The following PCNX1 variants were observed in gnomAD, a reference collection of about 807,000 sequenced individuals.
The protein encoded by PCNX1 is pecanex 1.
In PCNX1, 78 loss-of-function variants were observed where a neutral mutation model predicts 242.2. The observed-to-expected ratio is 0.32, with a 90% CI of 0.27 to 0.39. PCNX1 has a LOEUF of 0.39. PCNX1 is among the 10% of genes least tolerant of loss of function. The pLI, the probability that PCNX1 is intolerant of heterozygous loss-of-function variation, is 1.00. For synonymous variants in PCNX1, 1,024 were observed against 1,032.9 expected (o/e 0.99, Z 0.17); for missense variants, 2,581 against 2,856.5 (o/e 0.90, Z 2.20).
At position 70,995,863 on chromosome 14, in the gene PCNX1, A is replaced by T. The variant is rs780110499; in HGVS notation, c.2567A>T (p.His856Leu). Residue 856 changes from histidine (H) to leucine (L), a missense_variant, in exon 8 of 36, where the codon CAC (histidine) becomes CTC (leucine). Physicochemically the swap from His to Leu is moderately conservative, Grantham distance 99. Coordinates refer to ENST00000304743, the MANE Select transcript of PCNX1 (RefSeq NM_014982.3). ...TTGCTGGTGAGAAATGGGAGTGTCC[A>T]CTTAGAAGCATCACATGACAATGCA... ...ASLLVRNGSV[H>L]LEASHDNASA... 2.5e-6 allele frequency: 4 copies of T among 1,613,932 alleles called. No individual in the cohort carries two copies. The African/African-American group carries it at 4.0e-5, about 16-fold the overall frequency.
chr14:70,943,097 A>G (rs770762137), intron 1 of PCNX1, among the ~76,000 whole-genome samples: 1 of 152,194 alleles, frequency 6.6e-6, no homozygotes, highest in Admixed American at 6.5e-5. Flanking sequence ...TCTTTTCCTT[A>G]TAAATTACCC....
chr14:70,910,040 T>G (rs1594861619), intron 1 of PCNX1, among the ~76,000 whole-genome samples: 1 of 54,528 alleles, frequency 1.8e-5, no homozygotes, highest in East Asian at 5.7e-4. Context: ...TCCCTCCTCC[T>G]CCTCCTCCTC....
chr14:71,107,236 C>T (rs1281491926), intron 33 of PCNX1, among the ~76,000 whole-genome samples: 2 of 151,988 alleles, frequency 1.3e-5, no homozygotes, highest in Non-Finnish European at 2.9e-5. Context: ...AATGTAAAGA[C>T]ATTTATTAAA....
At chr14:70,929,239 T>G (rs77791278) in intron 1 of PCNX1, among the ~76,000 whole-genome samples, 4 of 146,110 alleles carry the variant, frequency 2.7e-5, no homozygotes, top group African/African-American at 8.0e-5. Context: ...ACATTCAGTG[T>G]TTTTTTTTTT....
intron 8 of PCNX1, among the ~76,000 whole-genome samples, chr14:71,002,982 T>G (rs542099057): frequency 2.0e-5 from 3 of 152,266 alleles, no homozygotes; most frequent in Non-Finnish European, 4.4e-5. Flanking sequence ...ATAGTAAGCA[T>G]CTTTTGATGT....
chr14:70,946,793 C>T (rs775935931), intron 1 of PCNX1, 122 bp from the exon 2 acceptor site: 238 of 735,236 alleles, frequency 3.2e-4, no homozygotes, highest in Non-Finnish European at 4.3e-4. Context: ...TGCAGCTTAG[C>T]GCTAGTAACA....
chr14:70,910,049 TC>T (rs2055766442), intron 1 of PCNX1, among the ~76,000 whole-genome samples: 2 of 62,478 alleles, frequency 3.2e-5, no homozygotes, highest in South Asian at 7.8e-4. Flanking sequence ...CTCCTCCTCC[TC>T]CTCCTCCTCC....
intron 24 of PCNX1, among the ~76,000 whole-genome samples, chr14:71,055,169 A>G (rs914650667): frequency 1.3e-5 from 2 of 152,190 alleles, no homozygotes; most frequent in African/African-American, 4.8e-5. Context: ...AGAATGTTCT[A>G]ACCTCTTTGA....
intron 1 of PCNX1, among the ~76,000 whole-genome samples, chr14:70,945,215 C>G (rs1566600179): frequency 6.6e-6 from 1 of 152,124 alleles, no homozygotes; most frequent in African/African-American, 2.4e-5. Context: ...TTTGGAGATT[C>G]CAAGGATTTT....
Position 71,089,226 on chromosome 14 carries a change from CTATT to C in PCNX1, c.5476_5479del (p.Phe1826LysfsTer21). ...GTCATTCCTCTATGGATTGCATGCC[CTATT>C]TAAAGGAGATTTCCGTATTTCTTCA... On this transcript the variant is annotated frameshift_variant, in exon 30 of 36. Transcript: ENST00000304743. LOFTEE classifies it high-confidence loss of function. 1 of 1,610,496 alleles carries C rather than the reference CTATT, an allele frequency of 6.2e-7. No individual in the cohort carries two copies. The highest frequency in any genetic ancestry group is 8.5e-7 in the Non-Finnish European group (1 of 1,177,286).
At position 71,011,544 on chromosome 14, in the gene PCNX1, G is replaced by A. The variant is rs1160561475; in HGVS notation, c.2773G>A (p.Asp925Asn). ...SSTSVRFYPH[D>N]VLSLPQIRLN... Reference sequence around the variant, plus strand: ...TACCTCAGTTCGATTTTATCCACATGATGTGGTAGGTTTTTCTTTATTTTT... The same window carrying A: ...TACCTCAGTTCGATTTTATCCACATAATGTGGTAGGTTTTTCTTTATTTTT... The change falls in exon 10 of 36, where the codon GAT (aspartate) becomes AAT (asparagine). Residue 925 changes from aspartate to asparagine, a missense_variant. By Grantham distance (23) the Asp-to-Asn change is conservative. Around this residue, in one of 9 missense-constraint regions of PCNX1, gnomAD observed 1,204 missense variants for 1,216.7 expected, o/e 0.99. Transcript: ENST00000304743. The A allele has an allele frequency of 1.8e-5, 28 of 1,524,224 alleles. No individual in the cohort carries two copies. Among genetic ancestry groups the A allele is most frequent in the Non-Finnish European group, 2.4e-5 (26 of 1,101,440 alleles). 94.4% of individuals were successfully genotyped at this position (1,524,224 alleles called of 1,614,324 possible).
At chr14:70,961,994 G>A (rs1263857347) in intron 2 of PCNX1, among the ~76,000 whole-genome samples, 1 of 151,248 alleles carries the variant, frequency 6.6e-6, no homozygotes, top group Non-Finnish European at 1.5e-5. Flanking sequence ...TAGACAGTTT[G>A]GAATAAGAGA....
intron 6 of PCNX1, among the ~76,000 whole-genome samples, chr14:70,980,091 A>G (rs1372197360): frequency 6.6e-6 from 1 of 152,096 alleles, no homozygotes; most frequent in Non-Finnish European, 1.5e-5. Flanking sequence ...TAAAGTTATC[A>G]AAATGAATTT....
chr14:70,964,697 G>T lies in PCNX1; in HGVS notation c.468+2366G>T, dbSNP rs114985939. 4.7e-3 allele frequency among the ~76,000 whole-genome samples: 710 copies of T among 152,246 alleles called. 4 individuals carry two copies. The highest frequency in any genetic ancestry group is 0.016 in the African/African-American group (668 of 41,528). ...TTTTGGATCCTGTGACCTTGGCATC[G>T]TGTCTGTTGGAACTTGCCTGTTTGT... is the stretch of plus-strand genomic sequence containing the variant. On this transcript the variant is annotated intron_variant, in intron 3 of 35. Coordinates refer to ENST00000304743, the MANE Select transcript of PCNX1 (RefSeq NM_014982.3).
At chr14:71,003,519 T>C (rs2059571146) in intron 8 of PCNX1, among the ~76,000 whole-genome samples, 1 of 152,232 alleles carries the variant, frequency 6.6e-6, no homozygotes, top group Non-Finnish European at 1.5e-5. Context: ...ACCTGACCAG[T>C]CTTAATGTCA....
chr14:71,113,430 T>C lies in PCNX1; in HGVS notation c.*3495T>C, dbSNP rs1315939929. 1 of 152,692 alleles carries C rather than the reference T, an allele frequency of 6.5e-6. No individual in the cohort carries two copies. The highest frequency in any genetic ancestry group is 2.4e-5 in the African/African-American group (1 of 41,468). 9.5% of individuals were successfully genotyped at this position (152,692 alleles called of 1,614,324 possible). ...AAAACCCATTAAGAAGATGTGTTTT[T>C]CTTTCTGAATTAGTTTATTTTTCCA... On this transcript the variant is annotated 3_prime_UTR_variant, in exon 36 of 36. Transcript: ENST00000304743.
rs147063114 is a variant in PCNX1, at chr14:71,033,862, C to A, written c.3669-69C>A. ...TCATTTGGTTTTCTATCATAAACTT[C>A]ATTGCCCGTTTGAATTACTGGTTTT... is the stretch of plus-strand genomic sequence containing the variant. On this transcript the variant is annotated intron_variant, in intron 17 of 35. Coordinates refer to ENST00000304743, the MANE Select transcript of PCNX1 (RefSeq NM_014982.3). 8.7e-3 allele frequency: 7,120 copies of A among 818,272 alleles called. 55 individuals are homozygous for A. Among genetic ancestry groups the A allele is most frequent in the South Asian group, 0.016 (1,030 of 65,758 alleles). The allele number at this position is 818,272 out of a possible 1,614,324, so 50.7% of individuals were successfully genotyped here.
chr14:70,965,774 G>A (rs1422534845), intron 3 of PCNX1, among the ~76,000 whole-genome samples: 1 of 152,086 alleles, frequency 6.6e-6, no homozygotes, highest in Non-Finnish European at 1.5e-5. Context: ...GGAGAGACAG[G>A]CATGGCTTCT....
At chr14:71,074,661 G>A (rs1157397014) in intron 27 of PCNX1, among the ~76,000 whole-genome samples, 1 of 152,122 alleles carries the variant, frequency 6.6e-6, no homozygotes, top group Non-Finnish European at 1.5e-5. Flanking sequence ...CATCCACATG[G>A]CCAGCGTAAG....
Sources: allele counts gnomAD v4.1 joint callset (sites outside exome capture counted in the v4.1 genomes callset), GRCh38; gene constraint gnomAD v4.1.1; regional missense constraint gnomAD v4.1.1; transcripts MANE v1.5; gene names NCBI Gene and HGNC (gene_info 2026-07-23, HGNC 2026-07-21).